The following PTCHD1 variants were observed in gnomAD, a reference collection of about 807,000 sequenced individuals.
The protein encoded by PTCHD1 is patched domain containing 1.
Under a neutral mutation model 34.6 loss-of-function variants are expected in PTCHD1, and 3 were observed. The ratio of observed to expected loss-of-function variants is 0.09; its 90% CI spans 0.04 to 0.22. PTCHD1 has a LOEUF of 0.22. PTCHD1 is among the 10% of genes least tolerant of loss of function. The pLI is 1.00. For synonymous variants in PTCHD1, 305 were observed against 283.1 expected (o/e 1.08, Z -0.77); for missense variants, 504 against 685.5 (o/e 0.74, Z 2.96).
rs970307666 is a variant in PTCHD1 at position 23,403,659 on chromosome X, T to C, written c.*9474T>C. 3.6e-5 allele frequency: 4 copies of C among 111,317 alleles called. No homozygotes were observed. The allele number at this position is 111,317 out of a possible 1,213,427, so 9.2% of individuals were successfully genotyped here. ...AGGCCCTTCTGAACATTAACAAGCCTAGATGTTTCTACTGCTTATTTGCAG... is the reference window on the plus strand; with the variant it reads ...AGGCCCTTCTGAACATTAACAAGCCCAGATGTTTCTACTGCTTATTTGCAG... On this transcript the variant is annotated 3_prime_UTR_variant, in exon 3 of 3. Coordinates refer to ENST00000379361, the MANE Select transcript of PTCHD1 (RefSeq NM_173495.3).
intron 1 of PTCHD1, among the ~76,000 whole-genome samples, chrX:23,378,740 A>G (rs1051486769): frequency 8.9e-6 from 1 of 112,493 alleles, no homozygotes; most frequent in African/African-American, 3.2e-5. Context: ...AAATGAGTTT[A>G]TCTGTATAAG....
intron 1 of PTCHD1, among the ~76,000 whole-genome samples, chrX:23,360,380 G>A (rs751500413): frequency 0.031 from 3,441 of 111,707 alleles, 139 homozygotes; most frequent in African/African-American, 0.1. Flanking sequence ...GTCTTGGGAG[G>A]TTGTATGTGT....
At position 23,400,048 on chromosome X, in the gene PTCHD1, G is replaced by A. The variant is rs1344153841; in HGVS notation, c.*5863G>A. 1 of 112,104 alleles carries A rather than the reference G, an allele frequency of 8.9e-6. No homozygotes were observed. The highest frequency in any genetic ancestry group is 1.9e-5 in the Non-Finnish European group (1 of 53,253). The allele number at this position is 112,104 out of a possible 1,213,427, so 9.2% of individuals were successfully genotyped here. A position where few individuals can be genotyped will look rare whatever the true frequency, so the allele number is the denominator to read the frequency against. ...TGCTCCCAAATGAGCCCTACTCTGA[G>A]ATGTCTACACCAGGCATGCTTTCAC... On this transcript the variant is annotated 3_prime_UTR_variant, in exon 3 of 3. Transcript: ENST00000379361.
intron 1 of PTCHD1, among the ~76,000 whole-genome samples, chrX:23,359,634 C>T (rs1201290800): frequency 8.9e-6 from 1 of 111,881 alleles, no homozygotes; most frequent in Non-Finnish European, 1.9e-5. Flanking sequence ...ATTGAATACC[C>T]TTTATTTCTT....
chrX:23,367,120 C>T (rs1458986311), intron 1 of PTCHD1, among the ~76,000 whole-genome samples: 1 of 112,311 alleles, frequency 8.9e-6, no homozygotes, highest in African/African-American at 3.2e-5. Context: ...CTAAACTCTA[C>T]GTTACTTGAA....
chrX:23,398,570 A>G lies in PTCHD1; in HGVS notation c.*4385A>G, dbSNP rs1923047586. 8.9e-6 allele frequency: 1 copy of G among 111,900 alleles called. No individual in the cohort carries two copies. Among genetic ancestry groups the G allele is most frequent in the African/African-American group, 3.3e-5 (1 of 30,743 alleles). 9.2% of individuals were successfully genotyped at this position (111,900 alleles called of 1,213,427 possible). On this transcript the variant is annotated 3_prime_UTR_variant, in exon 3 of 3. Transcript: ENST00000379361. ...GGTAATTTGCTTTTAATTTTGTGTA[A>G]AAAGCACCAGGTATTTAGAGACATA...
intron 2 of PTCHD1, among the ~76,000 whole-genome samples, chrX:23,384,407 A>G (rs1417902921): frequency 8.9e-6 from 1 of 112,108 alleles, no homozygotes; most frequent in Non-Finnish European, 1.9e-5. Context: ...CAAGGACGTG[A>G]AAGGAAGAAA....
intron 1 of PTCHD1, among the ~76,000 whole-genome samples, chrX:23,342,265 C>CA (rs1921328923): frequency 5.6e-4 from 32 of 57,487 alleles, no homozygotes; most frequent in Non-Finnish European, 1.2e-3. Context: ...TGTGTTTCTC[C>CA]CTATATATAT....
chrX:23,361,713 G>A (rs1282581147), intron 1 of PTCHD1, among the ~76,000 whole-genome samples: 1 of 111,908 alleles, frequency 8.9e-6, no homozygotes, highest in Admixed American at 9.5e-5. Flanking sequence ...TGGTTATTTT[G>A]CCCATTAGTT....
intron 1 of PTCHD1, among the ~76,000 whole-genome samples, chrX:23,368,341 C>G (rs1054860669): frequency 8.9e-6 from 1 of 111,739 alleles, no homozygotes; most frequent in Admixed American, 9.5e-5. Context: ...ATGTAAGCAA[C>G]AGGAGCAAAT....
chrX:23,399,232 A>C lies in PTCHD1; in HGVS notation c.*5047A>C, dbSNP rs1482140811. 1.8e-5 allele frequency: 2 copies of C among 111,786 alleles called. No individual in the cohort carries two copies. The highest frequency in any genetic ancestry group is 3.8e-5 in the Non-Finnish European group (2 of 53,229). The allele number at this position is 111,786 out of a possible 1,213,427, so 9.2% of individuals were successfully genotyped here. On this transcript the variant is annotated 3_prime_UTR_variant, in exon 3 of 3. Coordinates refer to ENST00000379361, the MANE Select transcript of PTCHD1 (RefSeq NM_173495.3). Reference sequence around the variant, plus strand: ...TAATGAAATTATATTCACAGAGCTAATTAGAAACAGGAGACTATAATTGAA... The same window carrying C: ...TAATGAAATTATATTCACAGAGCTACTTAGAAACAGGAGACTATAATTGAA...
rs1189905945 is a variant in PTCHD1 at position 23,342,308 on chromosome X, A to T, written c.351+7082A>T. 3.1e-3 allele frequency among the ~76,000 whole-genome samples: 30 copies of T among 9,668 alleles called. 1 individual carries two copies. The East Asian group carries it at 0.05, about 16-fold the overall frequency. The allele number at this position is 9,668 out of a possible 115,157, so 8.4% of individuals were successfully genotyped here. On this transcript the variant is annotated intron_variant, in intron 1 of 2. Transcript: ENST00000379361. The stretch of plus-strand genomic sequence containing the variant: ...TATATATATATATATATATATATAT[A>T]TATTTTTTTTTTTTTTTTTTTTTTA...
intron 2 of PTCHD1, among the ~76,000 whole-genome samples, chrX:23,381,288 T>C (rs765975257): frequency 8.9e-6 from 1 of 112,464 alleles, no homozygotes; most frequent in African/African-American, 3.2e-5. Context: ...GGTTGCCCTG[T>C]CCATCTGTTA....
intron 1 of PTCHD1, among the ~76,000 whole-genome samples, chrX:23,337,162 A>T (rs1009367162): frequency 8.9e-6 from 1 of 112,285 alleles, no homozygotes; most frequent in Non-Finnish European, 1.9e-5. Flanking sequence ...GGAGAGACGG[A>T]GGCTTGGTTT....
intron 1 of PTCHD1, among the ~76,000 whole-genome samples, 153 bp downstream of exon 1, chrX:23,335,379 T>A (rs2146604580): frequency 8.8e-6 from 1 of 113,256 alleles, no homozygotes; most frequent in South Asian, 3.6e-4. Context: ...GGCGGCCGAC[T>A]GGAGCCTCCC....
rs1922966579 is a variant in PTCHD1, at chrX:23,395,513, C to T, written c.*1328C>T. On this transcript the variant is annotated 3_prime_UTR_variant, in exon 3 of 3. Transcript: ENST00000379361. ...GCTGCACCTCACCTTGCTGGTCCCC[C>T]CCACACCTTTTTTGATGTCCTTCTG... 9.0e-6 allele frequency: 1 copy of T among 111,556 alleles called. No homozygotes were observed. The highest frequency in any genetic ancestry group is 1.9e-5 in the Non-Finnish European group (1 of 53,102). The allele number at this position is 111,556 out of a possible 1,213,427, so 9.2% of individuals were successfully genotyped here. A position where few individuals can be genotyped will look rare whatever the true frequency, so the allele number is the denominator to read the frequency against.
rs1923010468 is a variant in PTCHD1, at chrX:23,397,170, T to C, written c.*2985T>C. 1 of 112,104 alleles carries C rather than the reference T, an allele frequency of 8.9e-6. No individual in the cohort carries two copies. Among genetic ancestry groups the C allele is most frequent in the Non-Finnish European group, 1.9e-5 (1 of 53,264 alleles). 9.2% of individuals were successfully genotyped at this position (112,104 alleles called of 1,213,427 possible). On this transcript the variant is annotated 3_prime_UTR_variant, in exon 3 of 3. Coordinates refer to ENST00000379361, the MANE Select transcript of PTCHD1 (RefSeq NM_173495.3). ...ATATTCGATTCATCAAAAATATTGC[T>C]CCTGGTCAACTAAAAAACTGTGATA...
chrX:23,339,306 G>A (rs1001372953), intron 1 of PTCHD1, among the ~76,000 whole-genome samples: 5 of 111,827 alleles, frequency 4.5e-5, no homozygotes, highest in African/African-American at 6.5e-5. Context: ...GATAACCCCC[G>A]TAGTCATATC....
Position 23,396,783 on chromosome X carries a change from A to G in PTCHD1, c.*2598A>G, listed in dbSNP as rs1007668433. ...AGGCTTATGGAATTCTGACTGTGAA[A>G]TGAATTTTTCTATTGGGAGATTATG... On this transcript the variant is annotated 3_prime_UTR_variant, in exon 3 of 3. Coordinates refer to ENST00000379361, the MANE Select transcript of PTCHD1 (RefSeq NM_173495.3). 4.4e-5 allele frequency: 5 copies of G among 112,380 alleles called. No individual in the cohort carries two copies. The highest frequency in any genetic ancestry group is 6.5e-5 in the African/African-American group (2 of 30,831). 9.3% of individuals were successfully genotyped at this position (112,380 alleles called of 1,213,427 possible).
Sources: allele counts gnomAD v4.1 joint callset (sites outside exome capture counted in the v4.1 genomes callset), GRCh38; gene constraint gnomAD v4.1.1; transcripts MANE v1.5; gene names NCBI Gene and HGNC (gene_info 2026-07-23, HGNC 2026-07-21).